TRIM9: variants seen among roughly 807,000 people sequenced by gnomAD.
TRIM9 encodes the protein E3 ubiquitin-protein ligase TRIM9.
Under a neutral mutation model 78.3 loss-of-function variants are expected in TRIM9, and 26 were observed. The observed-to-expected ratio is 0.33, with a 90% CI of 0.24 to 0.46. TRIM9 has a LOEUF of 0.46. Ranked by LOEUF, TRIM9 falls within the 20% of genes least tolerant of loss-of-function variation. TRIM9 has a pLI of 1.00. For missense variants in TRIM9, 787 were observed against 1,036.4 expected (o/e 0.76, Z 3.30); for synonymous variants, 398 against 416.5 (o/e 0.96, Z 0.54).
chr14:51,052,168 A>G (rs1259920142), intron 1 of TRIM9, among the ~76,000 whole-genome samples: 1 of 152,166 alleles, frequency 6.6e-6, no homozygotes, highest in Non-Finnish European at 1.5e-5. Context: ...TTCCATTAAC[A>G]TCATTATCTG....
At position 50,975,521 on chromosome 14, in the gene TRIM9, A is replaced by C. The variant is rs2139237611; in HGVS notation, c.*1770T>G. 6.5e-6 allele frequency: 1 copy of C among 152,782 alleles called. No homozygotes were observed. The highest frequency in any genetic ancestry group is 2.4e-5 in the African/African-American group (1 of 41,582). 9.5% of individuals were successfully genotyped at this position (152,782 alleles called of 1,614,324 possible). ...AACAGTTTTTCTGTAGCCAAGAAAA[A>C]CCAAGACACACATAAACAGGATAGC... is the stretch of plus-strand genomic sequence containing the variant. On this transcript the variant is annotated 3_prime_UTR_variant, in exon 13 of 13. Transcript: ENST00000684578.
chr14:50,985,276 T>C (rs1040034584), intron 8 of TRIM9, among the ~76,000 whole-genome samples: 5 of 152,178 alleles, frequency 3.3e-5, no homozygotes, highest in Non-Finnish European at 7.3e-5. Context: ...ATTACTCAGA[T>C]CTTTGGTCAT....
chr14:50,979,520 G>C lies in TRIM9; in HGVS notation c.2192C>G (p.Thr731Arg), dbSNP rs2051539735. 1 of 1,614,112 alleles carries C rather than the reference G, an allele frequency of 6.2e-7. No homozygotes were observed. The highest frequency in any genetic ancestry group is 2.2e-5 in the East Asian group (1 of 44,882). Residue 731 changes from threonine (T) to arginine (R), a missense_variant, in exon 12 of 13, where the codon ACA (threonine) becomes AGA (arginine). Around this residue, in one of 3 missense-constraint regions of TRIM9, gnomAD observed 421 missense variants for 514.3 expected, o/e 0.82. Transcript: ENST00000684578. ...ATTTAAGTCGAGGAGGACCCCAATT[G>C]TGGCCCCTTTTGTGATCCCTCCCTC... ...RTEGGITKGA[T>R]IGVLLDLNRK...
chr14:51,022,911 G>A lies in TRIM9; in HGVS notation c.965C>T (p.Ala322Val). The A allele has an allele frequency of 6.2e-7, 1 of 1,614,114 alleles. No homozygotes were observed. The highest frequency in any genetic ancestry group is 8.5e-7 in the Non-Finnish European group (1 of 1,180,022). Residue 322 changes from alanine to valine, a missense_variant, in exon 3 of 13, where the codon GCC becomes GTC. Transcript: ENST00000684578. ...FEACLVAQCD[A>V]LIDALNRRKA... is the part of the protein sequence containing the mutation. ...TCTTCTGTTGAGGGCATCGATGAGG[G>A]CATCACATTGGGCCACCAGACAGGC...
rs146413159 is a variant in TRIM9 at position 51,081,978 on chromosome 14, G to C, written c.822+12140C>G. On this transcript the variant is annotated intron_variant, in intron 1 of 12. Transcript: ENST00000684578. ...CTCCAGCCACCCTCCCTGCCCTGGG[G>C]GTCAGAGGTCAGTGGGTGGCACTGA... Among the ~76,000 whole-genome samples, 1,195 of 152,258 alleles carry C rather than the reference G, an allele frequency of 7.8e-3. 9 individuals carry two copies. The highest frequency in any genetic ancestry group is 0.049 in the South Asian group (236 of 4,818).
chr14:50,990,170 A>G (rs1232167476), intron 7 of TRIM9, among the ~76,000 whole-genome samples: 1 of 152,080 alleles, frequency 6.6e-6, no homozygotes, highest in Non-Finnish European at 1.5e-5. Context: ...GGTGCATACC[A>G]CTGCACCTGG....
chr14:50,996,299 G>T (rs147925399), intron 7 of TRIM9: 8 of 985,336 alleles, frequency 8.1e-6, no homozygotes, highest in Non-Finnish European at 9.6e-6. Flanking sequence ...CCCCAGTTCT[G>T]TGACTGTGGT....
chr14:51,019,529 C>T (rs2139736909), intron 3 of TRIM9, among the ~76,000 whole-genome samples: 1 of 152,240 alleles, frequency 6.6e-6, no homozygotes, highest in Middle Eastern at 3.4e-3. Context: ...ACTCATGCCA[C>T]TAAAGAATCT....
At chr14:51,064,302 T>C (rs1320205786) in intron 1 of TRIM9, among the ~76,000 whole-genome samples, 2 of 151,928 alleles carry the variant, frequency 1.3e-5, no homozygotes, top group East Asian at 3.9e-4. Flanking sequence ...TAAATTATAA[T>C]TAAATAGTAA....
At position 50,979,498 on chromosome 14, in the gene TRIM9, T is replaced by G. The variant is rs2275462; in HGVS notation, c.2214A>C (p.Leu738Phe). 0.6 allele frequency: 961,199 copies of G among 1,613,790 alleles called. 288,863 individuals are homozygous for G. Among genetic ancestry groups the G allele is most frequent in the Admixed American group, 0.75 (44,905 of 60,006 alleles). Residue 738 changes from leucine to phenylalanine, a missense_variant, in exon 12 of 13, where the codon TTA becomes TTC. Leu to Phe is a conservative substitution (Grantham distance 22). This residue lies in a region of TRIM9 where 421 missense variants were observed against 514.3 expected (regional missense o/e 0.82). Transcript: ENST00000684578. Reference sequence around the variant, plus strand: ...TAAAAAATGTCAAGTTTTTTCTATTTAAGTCGAGGAGGACCCCAATTGTGG... The same window carrying G: ...TAAAAAATGTCAAGTTTTTTCTATTGAAGTCGAGGAGGACCCCAATTGTGG... ...KGATIGVLLD[L>F]NRKNLTFFIN...
intron 7 of TRIM9, chr14:50,997,672 G>C: frequency 9.0e-7 from 1 of 1,111,888 alleles, no homozygotes; most frequent in Non-Finnish European, 1.1e-6. Context: ...GAATCATCTG[G>C]GCAAAACTGG....
At chr14:51,049,220 C>T (rs553479906) in intron 1 of TRIM9, among the ~76,000 whole-genome samples, 2 of 152,216 alleles carry the variant, frequency 1.3e-5, no homozygotes, top group African/African-American at 4.8e-5. Context: ...CGCCATCACA[C>T]CCGGCTAATT....
chr14:51,021,739 G>C (rs529353529), intron 3 of TRIM9, among the ~76,000 whole-genome samples: 20 of 152,264 alleles, frequency 1.3e-4, no homozygotes, highest in Admixed American at 7.2e-4. Flanking sequence ...ACCCCTTCTG[G>C]TTTGCTCTTC....
chr14:51,035,761 A>T (rs2059091523), intron 1 of TRIM9, among the ~76,000 whole-genome samples: 1 of 152,202 alleles, frequency 6.6e-6, no homozygotes, highest in African/African-American at 2.4e-5. Context: ...CAAAAAGGAG[A>T]TCTATTCTGT....
intron 11 of TRIM9, 30 bp downstream of exon 11, chr14:50,981,767 TGAA>T (rs1310783162): frequency 1.2e-6 from 2 of 1,611,486 alleles, no homozygotes; most frequent in African/African-American, 1.3e-5. Flanking sequence ...GAAGCCAACG[TGAA>T]GAAGGCTTGG....
intron 9 of TRIM9, 70 bp from the exon 10 acceptor site, chr14:50,983,035 G>T: frequency 6.9e-7 from 1 of 1,446,890 alleles, no homozygotes; most frequent in South Asian, 1.2e-5. Flanking sequence ...ATAAGAAAAT[G>T]TGTCTCTCTT....
intron 6 of TRIM9, among the ~76,000 whole-genome samples, chr14:50,999,173 G>C (rs562945372): frequency 6.6e-6 from 1 of 152,106 alleles, no homozygotes; most frequent in African/African-American, 2.4e-5. Context: ...GGGGAGGACC[G>C]CACTTTTGAG....
intron 1 of TRIM9, among the ~76,000 whole-genome samples, chr14:51,056,524 T>C (rs193109581): frequency 6.6e-6 from 1 of 152,276 alleles, no homozygotes; most frequent in East Asian, 1.9e-4. Flanking sequence ...ATTCAACAAA[T>C]AAGTCCAACA....
intron 3 of TRIM9, among the ~76,000 whole-genome samples, chr14:51,012,451 C>T (rs1044843229): frequency 2.0e-5 from 3 of 152,180 alleles, no homozygotes; most frequent in African/African-American, 7.2e-5. Context: ...ATGTATATCG[C>T]ATTTTGTTTA....
Sources: allele counts gnomAD v4.1 joint callset (sites outside exome capture counted in the v4.1 genomes callset), GRCh38; gene constraint gnomAD v4.1.1; regional missense constraint gnomAD v4.1.1; transcripts MANE v1.5; gene names NCBI Gene and HGNC (gene_info 2026-07-23, HGNC 2026-07-21).